Variants in ACTR3C observed in about 807,000 individuals in gnomAD.
ACTR3C encodes actin-related protein 3C.
ACTR3C carries 18 observed loss-of-function variants against 26.3 expected under a neutral mutation model. The ratio of observed to expected loss-of-function variants is 0.68; its 90% CI spans 0.47 to 1.01. The LOEUF is 1.01. Among genes scored for constraint, ACTR3C ranks in the 50% least tolerant of loss-of-function variants. The probability of loss-of-function intolerance (pLI) is 0.00; values close to 1 mark genes in which losing one functional copy is unlikely to be tolerated. For synonymous variants in ACTR3C, 55 were observed against 94.5 expected (o/e 0.58, Z 2.42); for missense variants, 184 against 250.7 (o/e 0.73, Z 1.80).
At chr7:150,151,030 G>T in the ACTR3C span, among the ~76,000 whole-genome samples, 1 of 108,712 alleles carries the variant, frequency 9.2e-6, no homozygotes, top group East Asian at 5.4e-4. Context: ...ATATTTAAGT[G>T]TATGTTTATT....
the ACTR3C span, among the ~76,000 whole-genome samples, chr7:150,042,373 T>C: frequency 1.5e-4 from 13 of 89,502 alleles, 1 homozygote; most frequent in South Asian, 8.3e-4. Context: ...ATGGGGGTCC[T>C]AAGAGCAAAG....
At chr7:150,123,303 C>T in the ACTR3C span, among the ~76,000 whole-genome samples, 1 of 151,918 alleles carries the variant, frequency 6.6e-6, no homozygotes, top group Admixed American at 6.6e-5. Flanking sequence ...ATAAACAGCT[C>T]GGGTACCTCT....
chr7:150,012,315 A>ATTTTTTTTTTTTTTTTTTT, the ACTR3C span, among the ~76,000 whole-genome samples: 6 of 91,984 alleles, frequency 6.5e-5, no homozygotes, highest in Middle Eastern at 5.1e-3. Flanking sequence ...TTATAAATGC[A>ATTTTTTTTTTTTTTTTTTT]TCTTTTTTTT....
At chr7:150,250,180 A>G (rs1391043030) in intron 6 of ACTR3C, among the ~76,000 whole-genome samples, 1 of 149,436 alleles carries the variant, frequency 6.7e-6, no homozygotes, top group Admixed American at 6.6e-5. Flanking sequence ...AGAATAAATG[A>G]GCAAGAAATG....
the ACTR3C span, among the ~76,000 whole-genome samples, chr7:150,039,421 CTG>C: frequency 5.8e-5 from 1 of 17,202 alleles, no homozygotes; most frequent in African/African-American, 2.3e-4. Context: ...CTCTCAGTCC[CTG>C]CCTCGCGGGG....
downstream of ACTR3C, among the ~76,000 whole-genome samples, chr7:150,239,166 C>T (rs1397146867): frequency 4.6e-5 from 7 of 151,846 alleles, no homozygotes; most frequent in Non-Finnish European, 8.8e-5. Flanking sequence ...CTGCTTCCCA[C>T]ATTTGGAGCA....
chr7:150,129,913 C>A, the ACTR3C span, among the ~76,000 whole-genome samples: 1 of 152,120 alleles, frequency 6.6e-6, no homozygotes, highest in Admixed American at 6.5e-5. Flanking sequence ...AAGACTTAAA[C>A]GACCTGATTT....
the ACTR3C span, among the ~76,000 whole-genome samples, chr7:150,148,183 GA>G: frequency 8.4e-3 from 1,217 of 145,388 alleles, 14 homozygotes; most frequent in African/African-American, 0.024. Flanking sequence ...AAGAAAAGGG[GA>G]AAAAAAAAAA....
At chr7:149,946,568 A>G in the ACTR3C span, among the ~76,000 whole-genome samples, 2 of 152,084 alleles carry the variant, frequency 1.3e-5, no homozygotes, top group Non-Finnish European at 2.9e-5. Context: ...GGCTGTTTCC[A>G]GGGCTTCCTC....
the ACTR3C span, among the ~76,000 whole-genome samples, chr7:149,907,269 C>T: frequency 9.5e-6 from 1 of 105,774 alleles, no homozygotes; most frequent in African/African-American, 3.6e-5. Flanking sequence ...CAGCACCTCA[C>T]CTCCATGCCA....
At position 150,295,290 on chromosome 7, in the gene ACTR3C, C is replaced by T. The variant is rs182885703; in HGVS notation, c.7G>A (p.Glu3Lys). 1.0e-3 allele frequency: 1,652 copies of T among 1,613,978 alleles called. 16 individuals are homozygous for T. The African/African-American group carries it at 0.018, about 18-fold the overall frequency. ...TAGAGTCCTGGAACGTTAAATGATTCGAACATAATTTCTGCAAGATACTCT... is the reference window on the plus strand; with the variant it reads ...TAGAGTCCTGGAACGTTAAATGATTTGAACATAATTTCTGCAAGATACTCT... MFESFNVPGLYIA... is the reference protein window; with the variant it reads MFKSFNVPGLYIA... The change falls in exon 2 of 8, where the codon GAA (glutamate) becomes AAA (lysine). Residue 3 changes from glutamate to lysine, a missense_variant. By Grantham distance (56) the Glu-to-Lys change is moderately conservative. Coordinates refer to ENST00000683684, the MANE Select transcript of ACTR3C (RefSeq NM_001164458.2).
At chr7:150,197,032 G>A in the ACTR3C span, among the ~76,000 whole-genome samples, 1 of 152,122 alleles carries the variant, frequency 6.6e-6, no homozygotes. Context: ...ATCTCGGCCT[G>A]AGGGTGACAG....
the ACTR3C span, among the ~76,000 whole-genome samples, chr7:150,079,716 G>A: frequency 6.6e-6 from 1 of 152,196 alleles, no homozygotes; most frequent in East Asian, 1.9e-4. Flanking sequence ...TCCACAGTGG[G>A]GGCAGTGATT....
At chr7:150,282,233 G>A (rs1009311608) in intron 6 of ACTR3C, among the ~76,000 whole-genome samples, 3 of 146,274 alleles carry the variant, frequency 2.1e-5, no homozygotes, top group Non-Finnish European at 4.5e-5. Context: ...CCCCGGCAGC[G>A]GGGACCTGAG....
chr7:150,018,416 A>C, the ACTR3C span, among the ~76,000 whole-genome samples: 5 of 149,570 alleles, frequency 3.3e-5, no homozygotes, highest in East Asian at 9.6e-4. Context: ...AATTTAAAAA[A>C]ATTTAAAAAA....
At chr7:150,048,456 G>C in the ACTR3C span, among the ~76,000 whole-genome samples, 7 of 152,136 alleles carry the variant, frequency 4.6e-5, no homozygotes, top group Non-Finnish European at 8.8e-5. Flanking sequence ...AGGGTGGAGG[G>C]GCGGGGACCA....
chr7:149,970,211 T>A, the ACTR3C span, among the ~76,000 whole-genome samples: 1 of 151,704 alleles, frequency 6.6e-6, no homozygotes, highest in Non-Finnish European at 1.5e-5. Flanking sequence ...CTGCACCAAA[T>A]GTATTTCAAC....
chr7:150,014,521 C>T, the ACTR3C span, among the ~76,000 whole-genome samples: 2 of 151,916 alleles, frequency 1.3e-5, no homozygotes, highest in African/African-American at 4.8e-5. Flanking sequence ...CTTCACAGTG[C>T]TCTGTCCTTT....
intron 6 of ACTR3C, among the ~76,000 whole-genome samples, chr7:150,277,718 A>G (rs1210326517): frequency 1.3e-5 from 2 of 151,366 alleles, no homozygotes; most frequent in African/African-American, 2.4e-5. Flanking sequence ...TCAAGCTCTC[A>G]CCTATGCTCT....
Sources: allele counts gnomAD v4.1 joint callset (sites outside exome capture counted in the v4.1 genomes callset), GRCh38; gene constraint gnomAD v4.1.1; transcripts MANE v1.5; gene names NCBI Gene and HGNC (gene_info 2026-07-23, HGNC 2026-07-21).